The following CERT1 variants were observed in gnomAD, a reference collection of about 807,000 sequenced individuals.
The protein encoded by CERT1 is ceramide transporter 1.
A neutral mutation model predicts 87.9 loss-of-function variants in CERT1; 31 were observed. That is an observed-to-expected ratio of 0.35 (90% CI 0.27 to 0.48). CERT1 has a LOEUF of 0.48. Ranked by LOEUF, CERT1 falls within the 20% of genes least tolerant of loss-of-function variation. CERT1 has a pLI of 0.99. For missense variants in CERT1, 487 were observed against 758.0 expected, an observed-to-expected ratio of 0.64 and a Z score of 4.20; for synonymous variants, 289 against 250.9, an observed-to-expected ratio of 1.15 and a Z score of -1.44.
chr5:75,506,274 A>G (rs1767647080), intron 1 of CERT1, among the ~76,000 whole-genome samples, 158 bp from the exon 2 acceptor site: 1 of 152,248 alleles, frequency 6.6e-6, no homozygotes. Context: ...CAAAAAGTGA[A>G]AAGTTGAGAT....
rs531552577 is a variant in CERT1, at chr5:75,462,284, T to C, written c.232-3103A>G. 4.6e-5 allele frequency among the ~76,000 whole-genome samples: 7 copies of C among 152,366 alleles called. No homozygotes were observed. In the South Asian group the frequency reaches 1.0e-3, roughly 23 times the overall value. On this transcript the variant is annotated intron_variant, in intron 2 of 16. Coordinates refer to ENST00000643780, the MANE Select transcript of CERT1 (RefSeq NM_001379029.1). The stretch of plus-strand genomic sequence containing the variant: ...TTTTTGGGACCAGGGATCGGTTTCA[T>C]GGAAGACAGTTTTTCCAAAGACAGG...
At chr5:75,466,856 T>C (rs1197392877) in intron 2 of CERT1, among the ~76,000 whole-genome samples, 3 of 152,244 alleles carry the variant, frequency 2.0e-5, no homozygotes, top group Non-Finnish European at 4.4e-5. Context: ...TCAATGTTTT[T>C]CTTTTATTCT....
At chr5:75,405,873 G>T (rs1197853669) in intron 8 of CERT1, among the ~76,000 whole-genome samples, 3 of 1,490 alleles carry the variant, frequency 2.0e-3, no homozygotes, top group Non-Finnish European at 3.3e-3. Context: ...TGCAGTTACT[G>T]GGGGGGGGGG....
intron 2 of CERT1, among the ~76,000 whole-genome samples, chr5:75,477,917 T>C (rs770592115): frequency 1.3e-5 from 2 of 152,142 alleles, no homozygotes; most frequent in Non-Finnish European, 2.9e-5. Context: ...TAAAAATACA[T>C]AAGACCTGTG....
In CERT1 at chr5:75,511,603, G is replaced by C; in HGVS notation, c.-396C>G. ...GTCCACTCACACCTCCGCTACCGCC[G>C]CCATCTTCCTGCCTGGCCCACTATT... is the stretch of plus-strand genomic sequence containing the variant. On this transcript the variant is annotated 5_prime_UTR_variant, in exon 1 of 17. Transcript: ENST00000643780. 1 of 1,466,888 alleles carries C rather than the reference G, an allele frequency of 6.8e-7. No homozygotes were observed. Among genetic ancestry groups the C allele is most frequent in the Non-Finnish European group, 9.0e-7 (1 of 1,108,908 alleles). 90.9% of individuals were successfully genotyped at this position (1,466,888 alleles called of 1,614,324 possible). A position where few individuals can be genotyped will look rare whatever the true frequency, so the allele number is the denominator to read the frequency against.
In CERT1 at chr5:75,488,345, A is replaced by T. The variant is rs144305705; in HGVS notation, c.231+17637T>A. On this transcript the variant is annotated intron_variant, in intron 2 of 16. Coordinates refer to ENST00000643780, the MANE Select transcript of CERT1 (RefSeq NM_001379029.1). The stretch of plus-strand genomic sequence containing the variant: ...ACTATGTACTCATAATATTTTTTTT[A>T]AAAAAATGAATTCTTGCCAATTCAA... Among the ~76,000 whole-genome samples, 1,000 of 152,012 alleles carry T rather than the reference A, an allele frequency of 6.6e-3. 8 individuals carry two copies. Among genetic ancestry groups the T allele is most frequent in the African/African-American group, 0.022 (897 of 41,502 alleles).
chr5:75,447,597 A>G (rs1017512400), intron 3 of CERT1, among the ~76,000 whole-genome samples: 2 of 151,590 alleles, frequency 1.3e-5, no homozygotes, highest in African/African-American at 4.9e-5. Context: ...CAGCCTCCCG[A>G]GTAGCTGGGA....
rs35083616 is a variant in CERT1 at position 75,380,777 on chromosome 5, CAAAA to C, written c.1747+291_1747+294del. The stretch of plus-strand genomic sequence containing the variant: ...TGGGCAACAGAACGAGACTCCATCT[CAAAA>C]AAAAAAAAAAAAAAAAAAGAAGGGT... On this transcript the variant is annotated intron_variant, in intron 16 of 16. Transcript: ENST00000643780. Among the ~76,000 whole-genome samples the C allele has an allele frequency of 1.1e-4, 6 of 53,384 alleles. No homozygotes were observed. In the East Asian group the frequency reaches 2.8e-3, roughly 25 times the overall value. The allele number at this position is 53,384 out of a possible 152,430, so 35.0% of individuals were successfully genotyped here. A position where few individuals can be genotyped will look rare whatever the true frequency, so the allele number is the denominator to read the frequency against.
intron 9 of CERT1, chr5:75,401,803 G>C (rs1012785346): frequency 2.0e-5 from 3 of 152,192 alleles, no homozygotes; most frequent in African/African-American, 4.8e-5. Context: ...AGCCATGACT[G>C]TCTTAGCAAT....
chr5:75,415,591 G>C (rs1464012103), intron 7 of CERT1, among the ~76,000 whole-genome samples: 1 of 152,094 alleles, frequency 6.6e-6, no homozygotes, highest in Non-Finnish European at 1.5e-5. Context: ...ATTATTTTAG[G>C]CAATGTGGTT....
intron 2 of CERT1, among the ~76,000 whole-genome samples, chr5:75,479,369 T>C (rs980334606): frequency 1.3e-5 from 2 of 152,118 alleles, no homozygotes; most frequent in African/African-American, 4.8e-5. Flanking sequence ...CCACAGGGGT[T>C]TGCTGTACAG....
At chr5:75,466,828 T>G (rs943910487) in intron 2 of CERT1, among the ~76,000 whole-genome samples, 2 of 152,228 alleles carry the variant, frequency 1.3e-5, no homozygotes, top group Non-Finnish European at 2.9e-5. Flanking sequence ...TCCTTGCAAT[T>G]ATCACTTCTG....
chr5:75,377,457 T>C (rs1048610076), downstream of CERT1: 10 of 152,198 alleles, frequency 6.6e-5, no homozygotes, highest in South Asian at 4.1e-4. Flanking sequence ...CTGGCAGAAA[T>C]TGGAAACTGT....
At chr5:75,501,800 A>G (rs531926171) in intron 2 of CERT1, among the ~76,000 whole-genome samples, 1 of 152,188 alleles carries the variant, frequency 6.6e-6, no homozygotes, top group Non-Finnish European at 1.5e-5. Flanking sequence ...TGGAAAAAAA[A>G]CTAAAAACAT....
At chr5:75,510,436 G>T (rs1352203011) in intron 1 of CERT1, among the ~76,000 whole-genome samples, 1 of 151,888 alleles carries the variant, frequency 6.6e-6, no homozygotes, top group Non-Finnish European at 1.5e-5. Flanking sequence ...ACCCCTTACC[G>T]CAAAAATATT....
chr5:75,374,622 T>A, downstream of CERT1: 1 of 671,280 alleles, frequency 1.5e-6, no homozygotes, highest in Non-Finnish European at 2.8e-6. Context: ...CAGGGACATT[T>A]CCGAAGCGAG....
chr5:75,491,484 G>T (rs1026678464), intron 2 of CERT1, among the ~76,000 whole-genome samples: 2 of 151,888 alleles, frequency 1.3e-5, no homozygotes, highest in Non-Finnish European at 2.9e-5. Flanking sequence ...GCTCTGATCT[G>T]TCTGGTTAGT....
intron 16 of CERT1, among the ~76,000 whole-genome samples, chr5:75,380,177 A>G (rs572820757): frequency 2.6e-5 from 4 of 152,162 alleles, no homozygotes; most frequent in Non-Finnish European, 5.9e-5. Context: ...TGCAATGATT[A>G]CTCCAGGTGC....
intron 3 of CERT1, among the ~76,000 whole-genome samples, chr5:75,447,517 G>T (rs1764599630): frequency 6.6e-6 from 1 of 150,602 alleles, no homozygotes; most frequent in African/African-American, 2.4e-5. Context: ...GTTGCCCAGG[G>T]TAGAGTGCAG....
Sources: gnomAD v4.1 joint callset for allele counts (sites outside exome capture counted in the v4.1 genomes callset) on GRCh38, gnomAD v4.1.1 for gene constraint, MANE v1.5 for transcripts, NCBI Gene and HGNC (gene_info 2026-07-23, HGNC 2026-07-21) for gene names.